The following RHBDD1 variants were observed in gnomAD, a reference collection of about 807,000 sequenced individuals.
RHBDD1 encodes the protein rhomboid-related protein 4.
RHBDD1 carries 38 observed loss-of-function variants against 36.3 expected under a neutral mutation model. That is an observed-to-expected ratio of 1.05 (90% CI 0.81 to 1.37). The LOEUF (loss-of-function observed/expected upper bound fraction) is 1.37, where lower values mean the gene tolerates loss of function less well. Ranked by LOEUF, RHBDD1 falls within the 40% of genes most tolerant of loss-of-function variation. RHBDD1 has a pLI of 0.00. For synonymous variants in RHBDD1, 151 were observed against 136.5 expected, an observed-to-expected ratio of 1.11 and a Z score of -0.74; for missense variants, 393 against 377.6, an observed-to-expected ratio of 1.04 and a Z score of -0.34.
chr2:226,885,211 T>G (rs566249503), intron 5 of RHBDD1, among the ~76,000 whole-genome samples: 2 of 152,172 alleles, frequency 1.3e-5, no homozygotes, highest in Admixed American at 1.3e-4. Flanking sequence ...AATGGGAATT[T>G]ACATAAACTT....
the RHBDD1 span, among the ~76,000 whole-genome samples, chr2:226,800,654 C>T: frequency 6.6e-6 from 1 of 152,182 alleles, no homozygotes; most frequent in African/African-American, 2.4e-5. Flanking sequence ...TATCATATTC[C>T]GAAGTCTATC....
chr2:226,989,132 A>G (rs1957627506), intron 8 of RHBDD1, among the ~76,000 whole-genome samples: 1 of 152,258 alleles, frequency 6.6e-6, no homozygotes, highest in African/African-American at 2.4e-5. Flanking sequence ...GCCACTGACC[A>G]GCTATTTGGC....
At chr2:226,852,448 C>T (rs1379508904) in intron 3 of RHBDD1, among the ~76,000 whole-genome samples, 1 of 152,052 alleles carries the variant, frequency 6.6e-6, no homozygotes, top group Admixed American at 6.6e-5. Context: ...GAGTGGACCC[C>T]TCATGAATTG....
chr2:226,945,913 G>T (rs1242189640), intron 8 of RHBDD1, among the ~76,000 whole-genome samples: 1 of 151,366 alleles, frequency 6.6e-6, no homozygotes, highest in Non-Finnish European at 1.5e-5. Context: ...CGGTGATAAG[G>T]TTTTTTTTTC....
At chr2:226,896,745 G>A (rs1329534508) in intron 5 of RHBDD1, among the ~76,000 whole-genome samples, 2 of 151,952 alleles carry the variant, frequency 1.3e-5, no homozygotes, top group Non-Finnish European at 2.9e-5. Flanking sequence ...CTTATGTACC[G>A]TGAGTTTCTA....
In RHBDD1 at chr2:226,906,897, C is replaced by T. The variant is rs1403716896; in HGVS notation, c.655+16C>T. On this transcript the variant is annotated intron_variant, in intron 6 of 8. Transcript: ENST00000392062. ...GCATGTGCAGGTACAGAATAAAACA[C>T]CTTTGGCATGACAACAGCTTGGAAG... The T allele has an allele frequency of 9.9e-6, 16 of 1,612,140 alleles. No homozygotes were observed. Among genetic ancestry groups the T allele is most frequent in the Middle Eastern group, 1.7e-4 (1 of 6,056 alleles).
rs1943570216 is a variant in RHBDD1, at chr2:226,858,812, A to G, written c.-90-5792A>G. Among the ~76,000 whole-genome samples, 7 of 152,232 alleles carry G rather than the reference A, an allele frequency of 4.6e-5. No individual in the cohort carries two copies. In the South Asian group the frequency reaches 1.5e-3, roughly 32 times the overall value. ...GTAAATATGGCTAATTTTCCTGTCA[A>G]TATTTCAAGAAACCTTCCATTTCTC... On this transcript the variant is annotated intron_variant, in intron 3 of 8. Transcript: ENST00000392062.
At chr2:226,862,914 A>G (rs1006164435) in intron 3 of RHBDD1, among the ~76,000 whole-genome samples, 3 of 152,134 alleles carry the variant, frequency 2.0e-5, no homozygotes, top group Non-Finnish European at 4.4e-5. Context: ...TCTTTTAACA[A>G]CCAGCACTGG....
chr2:226,956,502 T>G (rs1245992638), intron 8 of RHBDD1, among the ~76,000 whole-genome samples: 1 of 152,220 alleles, frequency 6.6e-6, no homozygotes, highest in African/African-American at 2.4e-5. Flanking sequence ...TTTCAGGGTG[T>G]AGGTCACACA....
At position 226,840,594 on chromosome 2, in the gene RHBDD1, A is replaced by G. The variant is rs189927905; in HGVS notation, c.-91+967A>G. Among the ~76,000 whole-genome samples, 413 of 152,318 alleles carry G rather than the reference A, an allele frequency of 2.7e-3. 2 individuals are homozygous for G. The highest frequency in any genetic ancestry group is 8.6e-3 in the African/African-American group (358 of 41,566). On this transcript the variant is annotated intron_variant, in intron 3 of 8. Transcript: ENST00000392062. ...ATGGATAAAGAAACAGAAGCTCTAC[A>G]GTACTGGTTGTATGATTTGCCCAAG...
At chr2:226,961,260 C>A (rs553101691) in intron 8 of RHBDD1, among the ~76,000 whole-genome samples, 8 of 152,040 alleles carry the variant, frequency 5.3e-5, no homozygotes, top group Non-Finnish European at 1.2e-4. Flanking sequence ...GTATATTATA[C>A]CCTCCTCGTG....
intron 8 of RHBDD1, among the ~76,000 whole-genome samples, chr2:226,933,189 A>G (rs1950138057): frequency 1.3e-5 from 2 of 152,096 alleles, no homozygotes; most frequent in African/African-American, 4.8e-5. Context: ...GAGGATTACA[A>G]TTCAAGATGA....
At chr2:226,988,371 A>G in intron 8 of RHBDD1, 1 of 1,550,356 alleles carries the variant, frequency 6.5e-7, no homozygotes, top group Non-Finnish European at 8.7e-7. Context: ...AGTCTCCTGG[A>G]CCCCAAGATA....
At chr2:226,909,787 C>G (rs11692572) in intron 7 of RHBDD1, among the ~76,000 whole-genome samples, 74,224 of 151,920 alleles carry the variant, frequency 0.49, 19,169 homozygotes, top group African/African-American at 0.67. Flanking sequence ...CAGATTGTGA[C>G]AAATTTCTAT....
At chr2:226,925,551 G>GA (rs944827608) in intron 8 of RHBDD1, among the ~76,000 whole-genome samples, 10 of 150,064 alleles carry the variant, frequency 6.7e-5, no homozygotes, top group Non-Finnish European at 1.2e-4. Flanking sequence ...TTTTCCTTAG[G>GA]AAAAAAAAAT....
intron 8 of RHBDD1, among the ~76,000 whole-genome samples, chr2:226,965,905 TTA>T (rs1952590401): frequency 6.6e-6 from 1 of 151,646 alleles, no homozygotes; most frequent in Admixed American, 6.6e-5. Context: ...AGCACGAAGT[TTA>T]TAGCAAAGAC....
chr2:226,896,421 G>A (rs1315105121), intron 5 of RHBDD1, among the ~76,000 whole-genome samples: 1 of 152,074 alleles, frequency 6.6e-6, no homozygotes, highest in East Asian at 1.9e-4. Flanking sequence ...ATACATCCCA[G>A]ATCTATCTAT....
At chr2:226,813,503 C>A in the RHBDD1 span, among the ~76,000 whole-genome samples, 1 of 152,130 alleles carries the variant, frequency 6.6e-6, no homozygotes. Flanking sequence ...TCACTTTTTC[C>A]ATCTTTTGCC....
In RHBDD1 at chr2:226,867,302, C is replaced by A. The variant is rs1944423047; in HGVS notation, c.550C>A (p.His184Asn). 2 of 1,613,254 alleles carry A rather than the reference C, an allele frequency of 1.2e-6. No individual in the cohort carries two copies. The highest frequency in any genetic ancestry group is 1.7e-6 in the Non-Finnish European group (2 of 1,179,838). The change falls in exon 5 of 9, where the codon CAT becomes AAT. Residue 184 changes from histidine to asparagine, a missense_variant. Coordinates refer to ENST00000392062, the MANE Select transcript of RHBDD1 (RefSeq NM_001167608.3). ...TTGTTGGGTCGAACTTGTGGCTATT[C>A]ATTTATTCTCACCAGGGTAAGTGTT... ...FACWVELVAIHLFSPGTSFAG... is the reference protein window; with the variant it reads ...FACWVELVAINLFSPGTSFAG...
Sources: allele counts gnomAD v4.1 joint callset (sites outside exome capture counted in the v4.1 genomes callset), GRCh38; gene constraint gnomAD v4.1.1; transcripts MANE v1.5; gene names NCBI Gene and HGNC (gene_info 2026-07-23, HGNC 2026-07-21).